CYRIA: variants seen among roughly 807,000 people sequenced by gnomAD.
CYRIA encodes the protein CYFIP-related Rac1 interactor A.
A neutral mutation model predicts 43.9 loss-of-function variants in CYRIA; 15 were observed. The observed-to-expected ratio is 0.34, with a 90% CI of 0.23 to 0.53. CYRIA has a LOEUF of 0.53. Among genes scored for constraint, CYRIA ranks in the 20% least tolerant of loss-of-function variants. The probability of loss-of-function intolerance (pLI) is 0.94; values close to 1 mark genes in which losing one functional copy is unlikely to be tolerated. For synonymous variants in CYRIA, 117 were observed against 136.0 expected (o/e 0.86, Z 0.97); for missense variants, 236 against 394.2 (o/e 0.60, Z 3.40).
At chr2:16,575,837 C>G (rs1667322007) in intron 3 of CYRIA, among the ~76,000 whole-genome samples, 1 of 151,574 alleles carries the variant, frequency 6.6e-6, no homozygotes, top group Non-Finnish European at 1.5e-5. Context: ...ACCTGGGCCA[C>G]AGAGCGAGAC....
chr2:16,638,803 T>A (rs1252041549), intron 1 of CYRIA, among the ~76,000 whole-genome samples: 1 of 137,312 alleles, frequency 7.3e-6, no homozygotes, highest in African/African-American at 2.7e-5. Flanking sequence ...TGTAGATCTA[T>A]ATCTGTATCT....
rs60848949 is a variant in CYRIA at position 16,610,897 on chromosome 2, CATATATATATATAT to C, written c.-11+12953_-11+12966del. Among the ~76,000 whole-genome samples the C allele has an allele frequency of 2.0e-3, 181 of 92,600 alleles. 7 individuals carry two copies. The East Asian group carries it at 0.047, about 24-fold the overall frequency. The allele number at this position is 92,600 out of a possible 152,430, so 60.7% of individuals were successfully genotyped here. A position where few individuals can be genotyped will look rare whatever the true frequency, so the allele number is the denominator to read the frequency against. ...TAGGATTGACTTCTTTTAGTCCCAA[CATATATATATATAT>C]ATATATATATATATATATATATATA... On this transcript the variant is annotated intron_variant, in intron 2 of 11. Transcript: ENST00000381323.
chr2:16,653,299 C>G (rs569003094), intron 1 of CYRIA, among the ~76,000 whole-genome samples: 1 of 152,246 alleles, frequency 6.6e-6, no homozygotes, highest in Non-Finnish European at 1.5e-5. Flanking sequence ...GTTTCTTCAT[C>G]TGGCCAGACA....
intron 1 of CYRIA, among the ~76,000 whole-genome samples, chr2:16,653,295 T>C (rs778417151): frequency 3.5e-4 from 54 of 152,192 alleles, no homozygotes; most frequent in Non-Finnish European, 7.2e-4. Flanking sequence ...TGCAGTTTCT[T>C]CATCTGGCCA....
chr2:16,636,366 T>C (rs1014497793), intron 1 of CYRIA, among the ~76,000 whole-genome samples: 38 of 152,150 alleles, frequency 2.5e-4, no homozygotes, highest in Non-Finnish European at 5.3e-4. Flanking sequence ...GCACCAGAAC[T>C]GTGAGCAGAT....
intron 3 of CYRIA, among the ~76,000 whole-genome samples, chr2:16,580,347 G>T (rs1195230146): frequency 6.6e-6 from 1 of 152,084 alleles, no homozygotes; most frequent in Non-Finnish European, 1.5e-5. Flanking sequence ...GAAAGCAAAA[G>T]AATGGGAAAA....
chr2:16,554,932 CAA>C (rs1666452809), intron 11 of CYRIA, 135 bp downstream of exon 11: 1 of 586,068 alleles, frequency 1.7e-6, no homozygotes, highest in Admixed American at 3.2e-5. Flanking sequence ...GTGCTGACCT[CAA>C]AAGATTGTTA....
In CYRIA at chr2:16,593,706, TTG is replaced by T. The variant is rs1369113189; in HGVS notation, c.-10-5579_-10-5578del. On this transcript the variant is annotated intron_variant, in intron 2 of 11. Transcript: ENST00000381323. ...TTTTTTTGTGTGTGTGTGTTTTTTT[TTG>T]TGTGTGTGTGTTTTTTTTTTTTTTT... Among the ~76,000 whole-genome samples the T allele has an allele frequency of 4.7e-3, 451 of 96,972 alleles. 11 individuals are homozygous for T. The highest frequency in any genetic ancestry group is 0.024 in the African/African-American group (391 of 16,538). The allele number at this position is 96,972 out of a possible 152,430, so 63.6% of individuals were successfully genotyped here. A position where few individuals can be genotyped will look rare whatever the true frequency, so the allele number is the denominator to read the frequency against.
intron 1 of CYRIA, among the ~76,000 whole-genome samples, chr2:16,641,301 G>A (rs115562929): frequency 0.013 from 2,010 of 152,034 alleles, 52 homozygotes; most frequent in African/African-American, 0.046. Flanking sequence ...CTCATTCTCC[G>A]CTCTTCCTTC....
chr2:16,556,991 C>A (rs371485624), intron 10 of CYRIA, among the ~76,000 whole-genome samples: 1 of 151,888 alleles, frequency 6.6e-6, no homozygotes, highest in Non-Finnish European at 1.5e-5. Flanking sequence ...TTGGGGATGG[C>A]CATATTTCAG....
At chr2:16,638,638 T>A (rs1722416) in intron 1 of CYRIA, among the ~76,000 whole-genome samples, 33,826 of 152,082 alleles carry the variant, frequency 0.22, 6,526 homozygotes, top group East Asian at 0.61. Context: ...GCACCGCACA[T>A]GAGGCAGGGG....
chr2:16,611,366 A>T (rs1426016841), intron 2 of CYRIA, among the ~76,000 whole-genome samples: 2 of 152,262 alleles, frequency 1.3e-5, no homozygotes, highest in Non-Finnish European at 2.9e-5. Flanking sequence ...GCCATCTCAA[A>T]AAATAAATAA....
chr2:16,605,265 T>C (rs556696372), intron 2 of CYRIA, among the ~76,000 whole-genome samples: 10 of 152,334 alleles, frequency 6.6e-5, no homozygotes, highest in African/African-American at 2.4e-4. Flanking sequence ...ACATCAATAG[T>C]ACAGCAGCAA....
chr2:16,633,943 T>C (rs1323341057), intron 1 of CYRIA, among the ~76,000 whole-genome samples: 1 of 152,056 alleles, frequency 6.6e-6, no homozygotes, highest in Non-Finnish European at 1.5e-5. Context: ...TGAGGTGATA[T>C]CAAAGGCAGG....
intron 11 of CYRIA, 140 bp from the exon 12 acceptor site, chr2:16,553,139 T>A (rs1666375296): frequency 1.6e-6 from 1 of 645,100 alleles, no homozygotes. Context: ...CTCACAGTCA[T>A]CTCAGATTTA....
intron 10 of CYRIA, among the ~76,000 whole-genome samples, chr2:16,555,713 T>A (rs1370660272): frequency 6.6e-6 from 1 of 152,128 alleles, no homozygotes; most frequent in African/African-American, 2.4e-5. Flanking sequence ...CACCTTTCTG[T>A]GCTCCCAATA....
chr2:16,656,669 T>G (rs1191952599), intron 1 of CYRIA, among the ~76,000 whole-genome samples: 1 of 152,228 alleles, frequency 6.6e-6, no homozygotes, highest in East Asian at 1.9e-4. Flanking sequence ...AATGTTAATC[T>G]TTTGATCTGG....
intron 1 of CYRIA, among the ~76,000 whole-genome samples, chr2:16,625,363 C>T (rs1157421034): frequency 7.5e-6 from 1 of 133,108 alleles, no homozygotes; most frequent in East Asian, 2.2e-4. Context: ...CAACAAGGGA[C>T]ATGCCAGGAG....
chr2:16,626,046 C>T lies in CYRIA; in HGVS notation c.-166-2027G>A, dbSNP rs984314043. ...CTGTCCATTTTGTTGACTCCATTTA[C>T]TTACTGAGGCTTACAGAAATTCCCC... is the stretch of plus-strand genomic sequence containing the variant. On this transcript the variant is annotated intron_variant, in intron 1 of 11. Coordinates refer to ENST00000381323, the MANE Select transcript of CYRIA (RefSeq NM_030797.4). Among the ~76,000 whole-genome samples the T allele has an allele frequency of 1.7e-4, 26 of 152,200 alleles. 1 individual carries two copies. The highest frequency in any genetic ancestry group is 1.4e-3 in the Admixed American group (22 of 15,286).
Sources: allele counts gnomAD v4.1 joint callset (sites outside exome capture counted in the v4.1 genomes callset), GRCh38; gene constraint gnomAD v4.1.1; transcripts MANE v1.5; gene names NCBI Gene and HGNC (gene_info 2026-07-23, HGNC 2026-07-21).